HDGFL3: variants seen among roughly 807,000 people sequenced by gnomAD.
The protein encoded by HDGFL3 is hepatoma-derived growth factor-related protein 3.
Under a neutral mutation model 27.6 loss-of-function variants are expected in HDGFL3, and 6 were observed. The ratio of observed to expected loss-of-function variants is 0.22; its 90% CI spans 0.12 to 0.43. The LOEUF (loss-of-function observed/expected upper bound fraction) is 0.43, where lower values mean the gene tolerates loss of function less well. Ranked by LOEUF, HDGFL3 falls within the 20% of genes least tolerant of loss-of-function variation. The pLI, the probability that HDGFL3 is intolerant of heterozygous loss-of-function variation, is 1.00. For missense variants in HDGFL3, 207 were observed against 250.1 expected (o/e 0.83, Z 1.16); for synonymous variants, 88 against 88.9 (o/e 0.99, Z 0.05).
chr15:83,165,444 T>A (rs2037157748), intron 1 of HDGFL3, among the ~76,000 whole-genome samples: 1 of 152,106 alleles, frequency 6.6e-6, no homozygotes, highest in South Asian at 2.1e-4. Context: ...AGGTAGTTGT[T>A]AACTGTTATT....
At chr15:83,191,261 A>G (rs1341350882) in intron 1 of HDGFL3, among the ~76,000 whole-genome samples, 2 of 152,218 alleles carry the variant, frequency 1.3e-5, no homozygotes, top group Non-Finnish European at 2.9e-5. Flanking sequence ...CTGTCTTTAT[A>G]CATGCATTTG....
intron 1 of HDGFL3, chr15:83,192,212 G>C (rs569459076): frequency 3.9e-4 from 174 of 443,614 alleles, no homozygotes; most frequent in African/African-American, 3.3e-3. Flanking sequence ...AAAGTGCTGG[G>C]ATTACAGGCA....
chr15:83,178,031 G>A (rs1683911841), intron 1 of HDGFL3, among the ~76,000 whole-genome samples: 1 of 152,170 alleles, frequency 6.6e-6, no homozygotes. Context: ...TTCAAAATGC[G>A]CAAGAGGATA....
intron 1 of HDGFL3, among the ~76,000 whole-genome samples, chr15:83,166,409 T>C (rs1440641048): frequency 1.3e-5 from 2 of 152,144 alleles, no homozygotes; most frequent in African/African-American, 4.8e-5. Flanking sequence ...GACAAGCAAG[T>C]GCTAAAGGAA....
chr15:83,117,168 A>G (rs1336400047), intron 3 of HDGFL3, among the ~76,000 whole-genome samples: 1 of 152,168 alleles, frequency 6.6e-6, no homozygotes, highest in Non-Finnish European at 1.5e-5. Flanking sequence ...TTCCAGATGG[A>G]CCAGGGAGGT....
At chr15:83,160,329 G>C (rs944679255) in intron 2 of HDGFL3, among the ~76,000 whole-genome samples, 1 of 152,000 alleles carries the variant, frequency 6.6e-6, no homozygotes, top group African/African-American at 2.4e-5. Context: ...TGGGATTATA[G>C]GCACATGCCA....
rs2037730223 is a variant in HDGFL3 at position 83,207,236 on chromosome 15, G to A, written c.84+95C>T. The A allele has an allele frequency of 1.0e-5, 9 of 865,126 alleles. No homozygotes were observed. The highest frequency in any genetic ancestry group is 1.4e-5 in the Non-Finnish European group (9 of 641,370). 53.6% of individuals were successfully genotyped at this position (865,126 alleles called of 1,614,324 possible). The stretch of plus-strand genomic sequence containing the variant: ...CACCACAGCCGGCCGCGAGCTGCGG[G>A]CTCGGGGCTGAGGCGATGGGGAAAG... On this transcript the variant is annotated intron_variant, in intron 1 of 5. Coordinates refer to ENST00000299633, the MANE Select transcript of HDGFL3 (RefSeq NM_016073.4). The surrounding 1 kb of genome is among the most constrained non-coding windows in gnomAD (Gnocchi z 4.8).
chr15:83,126,742 T>G, downstream of HDGFL3: 1 of 1,603,084 alleles, frequency 6.2e-7, no homozygotes, highest in Non-Finnish European at 8.5e-7. Context: ...AATGAGTTTA[T>G]TTTTGTCCTT....
At chr15:83,192,279 C>T (rs1244835164) in intron 1 of HDGFL3, 2 of 455,122 alleles carry the variant, frequency 4.4e-6, no homozygotes, top group African/African-American at 4.0e-5. Context: ...GATATGAAGA[C>T]AGTTTTGACT....
intron 1 of HDGFL3, among the ~76,000 whole-genome samples, chr15:83,165,355 A>C (rs962712109): frequency 1.6e-4 from 24 of 152,186 alleles, no homozygotes; most frequent in African/African-American, 4.8e-4. Flanking sequence ...AACTACAGAC[A>C]CTCAGCATAC....
chr15:83,181,158 T>C (rs902268572), intron 1 of HDGFL3: 1 of 152,188 alleles, frequency 6.6e-6, no homozygotes, highest in African/African-American at 2.4e-5. Context: ...TTTAAAATAA[T>C]TATAAATAAT....
intron 5 of HDGFL3, among the ~76,000 whole-genome samples, chr15:83,147,736 A>G (rs2036915828): frequency 6.6e-6 from 1 of 152,240 alleles, no homozygotes. Flanking sequence ...TGCTTAAACA[A>G]GACAGAAAAA....
chr15:83,172,530 G>C (rs1025918730), intron 1 of HDGFL3, among the ~76,000 whole-genome samples: 2 of 152,090 alleles, frequency 1.3e-5, no homozygotes, highest in Non-Finnish European at 2.9e-5. Context: ...AAGTAAGCTA[G>C]AGAGTAAATG....
At position 83,136,666 on chromosome 15, in the gene HDGFL3, G is replaced by T; in HGVS notation, c.*2604C>A. The T allele has an allele frequency of 6.3e-7, 1 of 1,590,178 alleles. No homozygotes were observed. The highest frequency in any genetic ancestry group is 8.5e-7 in the Non-Finnish European group (1 of 1,173,254). ...TAAAAACAAAGGCAGAAGAAAAAGT[G>T]GAATAAAAATATTACTTCATGTTCC... On this transcript the variant is annotated 3_prime_UTR_variant, in exon 6 of 6. Coordinates refer to ENST00000299633, the MANE Select transcript of HDGFL3 (RefSeq NM_016073.4).
In HDGFL3 at chr15:83,129,786, GC is replaced by G. The variant is rs2036085112; in HGVS notation, c.*9483del. On this transcript the variant is annotated 3_prime_UTR_variant, in exon 6 of 6. Transcript: ENST00000299633. Reference sequence around the variant, plus strand: ...GCCAAGTGGGGCTTTATTAGGCTGAGCCTCTCCAGGGAATAACCCAGGGAAA... The same window carrying G: ...GCCAAGTGGGGCTTTATTAGGCTGAGCTCTCCAGGGAATAACCCAGGGAAA... 6.6e-6 allele frequency: 1 copy of G among 152,322 alleles called. No individual in the cohort carries two copies. The highest frequency in any genetic ancestry group is 1.9e-4 in the East Asian group (1 of 5,202). The allele number at this position is 152,322 out of a possible 1,614,324, so 9.4% of individuals were successfully genotyped here. A position where few individuals can be genotyped will look rare whatever the true frequency, so the allele number is the denominator to read the frequency against.
rs765144882 is a variant in HDGFL3 at position 83,169,256 on chromosome 15, C to G, written c.85-5181G>C. On this transcript the variant is annotated intron_variant, in intron 1 of 5. Transcript: ENST00000299633. The stretch of plus-strand genomic sequence containing the variant: ...TCCTATTCAACATAGTACTGGAATG[C>G]CAGTCAGAACAATCAGGCAAGAGAA... The G allele has an allele frequency of 1.4e-5, 6 of 437,650 alleles. 1 individual carries two copies. Among genetic ancestry groups the G allele is most frequent in the South Asian group, 9.8e-5 (6 of 60,952 alleles). The allele number at this position is 437,650 out of a possible 1,614,324, so 27.1% of individuals were successfully genotyped here.
At chr15:83,148,177 G>A (rs768257824) in intron 5 of HDGFL3, among the ~76,000 whole-genome samples, 2 of 152,132 alleles carry the variant, frequency 1.3e-5, no homozygotes, top group African/African-American at 2.4e-5. Context: ...CAACTACTAC[G>A]GAAAATAATT....
intron 1 of HDGFL3, chr15:83,184,629 C>T (rs2151417537): frequency 6.6e-6 from 1 of 152,236 alleles, no homozygotes; most frequent in East Asian, 1.9e-4. Context: ...ATGAATCTTT[C>T]CTCCGTCTTC....
chr15:83,118,515 G>A (rs201493734), intron 3 of HDGFL3, among the ~76,000 whole-genome samples: 1 of 152,178 alleles, frequency 6.6e-6, no homozygotes, highest in East Asian at 1.9e-4. Flanking sequence ...CGTGGGCCTG[G>A]CATGGGTGTA....
Sources: allele counts gnomAD v4.1 joint callset (sites outside exome capture counted in the v4.1 genomes callset), GRCh38; gene constraint gnomAD v4.1.1; non-coding constraint Gnocchi (gnomAD v3.1); transcripts MANE v1.5; gene names NCBI Gene and HGNC (gene_info 2026-07-23, HGNC 2026-07-21).